Variants in CSDC2 observed in about 807,000 individuals in gnomAD.
CSDC2 encodes cold shock domain-containing protein C2.
In CSDC2, 8 loss-of-function variants were observed where a neutral mutation model predicts 15.8. The observed-to-expected ratio is 0.51, with a 90% confidence interval of 0.30 to 0.92. The LOEUF (loss-of-function observed/expected upper bound fraction) is 0.92, where lower values mean the gene tolerates loss of function less well. Ranked by LOEUF, CSDC2 falls within the 40% of genes least tolerant of loss-of-function variation. The pLI, the probability that CSDC2 is intolerant of heterozygous loss-of-function variation, is 0.07. For missense variants in CSDC2, 195 were observed against 213.3 expected (o/e 0.91, Z 0.53); for synonymous variants, 96 against 92.3 (o/e 1.04, Z -0.23).
At chr22:41,573,913 G>T in intron 3 of CSDC2, 136 bp downstream of exon 3, 1 of 1,175,332 alleles carries the variant, frequency 8.5e-7, no homozygotes, top group Admixed American at 2.7e-5. Context: ...TCTGAGTAGG[G>T]GCTGAGGGTG....
intron 1 of CSDC2, 110 bp from the exon 2 acceptor site, chr22:41,571,733 A>T: frequency 3.4e-5 from 12 of 356,514 alleles, no homozygotes; most frequent in Non-Finnish European, 4.5e-5. Flanking sequence ...TTGTGACTTG[A>T]AGTAACGCCG....
At chr22:41,563,162 CCTCATGCACAGA>C (rs1276155417) in intron 1 of CSDC2, among the ~76,000 whole-genome samples, 1 of 152,128 alleles carries the variant, frequency 6.6e-6, no homozygotes, top group Non-Finnish European at 1.5e-5. Context: ...CTGGGGCAGC[CCTCATGCACAGA>C]CGCAGGCACA....
chr22:41,569,078 C>T (rs2067131582), intron 1 of CSDC2, among the ~76,000 whole-genome samples: 1 of 152,224 alleles, frequency 6.6e-6, no homozygotes, highest in Non-Finnish European at 1.5e-5. Context: ...CCTGGGAAAA[C>T]TGCAGTTGGG....
At chr22:41,565,967 G>A (rs1328161176) in intron 1 of CSDC2, among the ~76,000 whole-genome samples, 1 of 152,104 alleles carries the variant, frequency 6.6e-6, no homozygotes, top group Admixed American at 6.6e-5. Context: ...TGGGTAGGAT[G>A]TTATGATCAG....
chr22:41,571,227 G>A (rs554252725), intron 1 of CSDC2, among the ~76,000 whole-genome samples: 2 of 151,480 alleles, frequency 1.3e-5, no homozygotes, highest in Admixed American at 6.6e-5. Flanking sequence ...GGTGGCAGGC[G>A]CCTGTAATCC....
chr22:41,576,231 G>A lies in CSDC2; in HGVS notation c.*1336G>A, dbSNP rs2067174495. ...ACTGTCTAGGAGGATCCCTTGCCTT[G>A]TAGGTGCCCCAAGACCGCAGGGTAG... On this transcript the variant is annotated 3_prime_UTR_variant, in exon 4 of 4. Coordinates refer to ENST00000306149, the MANE Select transcript of CSDC2 (RefSeq NM_014460.4). The A allele has an allele frequency of 6.6e-6, 1 of 152,206 alleles. No individual in the cohort carries two copies. The highest frequency in any genetic ancestry group is 1.5e-5 in the Non-Finnish European group (1 of 68,048). 9.4% of individuals were successfully genotyped at this position (152,206 alleles called of 1,614,324 possible). A position where few individuals can be genotyped will look rare whatever the true frequency, so the allele number is the denominator to read the frequency against.
chr22:41,566,906 G>A (rs555367991), intron 1 of CSDC2, among the ~76,000 whole-genome samples: 31 of 148,574 alleles, frequency 2.1e-4, no homozygotes, highest in Non-Finnish European at 4.0e-4. Context: ...CAGCCTGGGC[G>A]ACAGAGCGAT....
intron 1 of CSDC2, among the ~76,000 whole-genome samples, chr22:41,563,312 C>T (rs1388200582): frequency 2.0e-5 from 3 of 152,078 alleles, no homozygotes; most frequent in Non-Finnish European, 4.4e-5. Flanking sequence ...GAAGTGTCAG[C>T]TCCTGCCCGG....
chr22:41,572,150 C>G lies in CSDC2; in HGVS notation c.176+9C>G. The G allele has an allele frequency of 7.7e-7, 1 of 1,303,468 alleles. No individual in the cohort carries two copies. Among genetic ancestry groups the G allele is most frequent in the Non-Finnish European group, 9.8e-7 (1 of 1,018,974 alleles). 80.7% of individuals were successfully genotyped at this position (1,303,468 alleles called of 1,614,324 possible). A position where few individuals can be genotyped will look rare whatever the true frequency, so the allele number is the denominator to read the frequency against. On this transcript the variant is annotated intron_variant, in intron 2 of 3. Coordinates refer to ENST00000306149, the MANE Select transcript of CSDC2 (RefSeq NM_014460.4). ...ACCAGGACCTATTCAGCGTGAGTAC[C>G]TGCCCCTTGCCCAGGCCCCTGACCC...
At chr22:41,566,453 A>G in intron 1 of CSDC2, among the ~76,000 whole-genome samples, 1 of 145,280 alleles carries the variant, frequency 6.9e-6, no homozygotes, top group Middle Eastern at 3.5e-3. Flanking sequence ...AAAAAAAAAA[A>G]AAAAAAAAAA....
chr22:41,564,412 C>T (rs1180052483), intron 1 of CSDC2, among the ~76,000 whole-genome samples: 1 of 151,996 alleles, frequency 6.6e-6, no homozygotes, highest in African/African-American at 2.4e-5. Flanking sequence ...AGGTGCCTGC[C>T]ACCACGCCCA....
chr22:41,565,952 C>A (rs1380910172), intron 1 of CSDC2, among the ~76,000 whole-genome samples: 2 of 152,130 alleles, frequency 1.3e-5, no homozygotes, highest in Non-Finnish European at 2.9e-5. Flanking sequence ...CTCCTCCCGA[C>A]AACCTGGGTA....
intron 1 of CSDC2, among the ~76,000 whole-genome samples, chr22:41,566,621 ACT>A (rs2067116632): frequency 9.1e-6 from 1 of 110,308 alleles, no homozygotes; most frequent in Admixed American, 1.0e-4. Flanking sequence ...ACAGAGTGAG[ACT>A]CTGTCTCAAA....
chr22:41,573,859 C>T, intron 3 of CSDC2, 82 bp downstream of exon 3: 1 of 1,505,046 alleles, frequency 6.6e-7, no homozygotes, highest in Non-Finnish European at 9.0e-7. Flanking sequence ...CCAGGCCTCT[C>T]CTCTCACTGG....
intron 1 of CSDC2, among the ~76,000 whole-genome samples, chr22:41,570,821 C>CA (rs34010467): frequency 0.027 from 2,424 of 89,546 alleles, 39 homozygotes; most frequent in South Asian, 0.053. Context: ...GACTCTGTCT[C>CA]AAAAAAAAAA....
At chr22:41,573,582 G>A (rs963333413) in intron 2 of CSDC2, 73 bp from the exon 3 acceptor site, 9 of 1,535,074 alleles carry the variant, frequency 5.9e-6, no homozygotes, top group Admixed American at 1.9e-5. Context: ...AGCAGAAAGG[G>A]CCCAGAATGG....
intron 1 of CSDC2, among the ~76,000 whole-genome samples, chr22:41,568,771 C>T (rs1018505051): frequency 1.3e-5 from 2 of 152,366 alleles, no homozygotes; most frequent in African/African-American, 4.8e-5. Flanking sequence ...CTTCTGCCTC[C>T]CTTCTGCTCT....
chr22:41,572,374 ACCC>A (rs2067150553), intron 2 of CSDC2, among the ~76,000 whole-genome samples: 1 of 57,930 alleles, frequency 1.7e-5, no homozygotes, highest in Non-Finnish European at 3.3e-5. Context: ...CCACCCACCC[ACCC>A]ACCCACCCAC....
At chr22:41,563,193 G>A (rs2067096923) in intron 1 of CSDC2, among the ~76,000 whole-genome samples, 1 of 152,154 alleles carries the variant, frequency 6.6e-6, no homozygotes, top group Admixed American at 6.5e-5. Context: ...CACAGGCTGT[G>A]TGGGGGAAGG....
Sources: gnomAD v4.1 joint callset for allele counts (sites outside exome capture counted in the v4.1 genomes callset) on GRCh38, gnomAD v4.1.1 for gene constraint, MANE v1.5 for transcripts, NCBI Gene and HGNC (gene_info 2026-07-23, HGNC 2026-07-21) for gene names.